CSGALNACT2: variants seen among roughly 807,000 people sequenced by gnomAD.
CSGALNACT2 encodes chondroitin sulfate N-acetylgalactosaminyltransferase 2.
A neutral mutation model predicts 55.3 loss-of-function variants in CSGALNACT2; 35 were observed. The ratio of observed to expected loss-of-function variants is 0.63; its 90% CI spans 0.48 to 0.84. The LOEUF is 0.84. CSGALNACT2 is among the 40% of genes least tolerant of loss of function. CSGALNACT2 has a pLI of 0.00. For synonymous variants in CSGALNACT2, 196 were observed against 224.9 expected (o/e 0.87, Z 1.15); for missense variants, 544 against 657.5 (o/e 0.83, Z 1.89).
At chr10:43,149,134 G>A (rs575186971) in intron 1 of CSGALNACT2, among the ~76,000 whole-genome samples, 1 of 152,324 alleles carries the variant, frequency 6.6e-6, no homozygotes, top group Non-Finnish European at 1.5e-5. Flanking sequence ...CCAGGCTGCA[G>A]TGCAGTGGCG....
chr10:43,183,775 C>T lies in CSGALNACT2; in HGVS notation c.*233C>T, dbSNP rs1169311192. 42 of 534,166 alleles carry T rather than the reference C, an allele frequency of 7.9e-5. No individual in the cohort carries two copies. Among genetic ancestry groups the T allele is most frequent in the Non-Finnish European group, 1.0e-5 (3 of 298,352 alleles). 33.1% of individuals were successfully genotyped at this position (534,166 alleles called of 1,614,324 possible). On this transcript the variant is annotated 3_prime_UTR_variant, in exon 8 of 8. Transcript: ENST00000374466. ...TGGAATAATTGACAAATTGAAATCT[C>T]ATATTTGTCCCAAAAGTTGTTTTGA...
At chr10:43,162,081 G>A (rs1839162152) in intron 4 of CSGALNACT2, 1 of 499,550 alleles carries the variant, frequency 2.0e-6, no homozygotes, top group Non-Finnish European at 4.0e-6. Context: ...CAAATTTGGG[G>A]AAGAAAATCA....
chr10:43,155,305 T>C lies in CSGALNACT2; in HGVS notation c.156T>C (p.Tyr52=), dbSNP rs1838970615. Residue 52 remains tyrosine, a synonymous_variant, in exon 2 of 8, where the codon TAT becomes TAC. Transcript: ENST00000374466. The part of the protein sequence containing the change: ...ASLPGVVGEN[Y]GKEYYQALLQ... ...TTCCTGGTGTTGTTGGGGAAAATTA[T>C]GGTAAAGAGTATTATCAAGCCCTCC... 1 of 1,614,112 alleles carries C rather than the reference T, an allele frequency of 6.2e-7. No homozygotes were observed. The highest frequency in any genetic ancestry group is 1.3e-5 in the African/African-American group (1 of 75,014).
At chr10:43,175,231 C>G (rs144114339) in intron 6 of CSGALNACT2, among the ~76,000 whole-genome samples, 3 of 152,214 alleles carry the variant, frequency 2.0e-5, no homozygotes, top group Non-Finnish European at 4.4e-5. Flanking sequence ...GTAAACAGAT[C>G]AACACAACTA....
At chr10:43,167,978 A>G (rs1839302141) in intron 6 of CSGALNACT2, among the ~76,000 whole-genome samples, 1 of 102,204 alleles carries the variant, frequency 9.8e-6, no homozygotes, top group African/African-American at 4.0e-5. Context: ...TGTACAAAAA[A>G]TTTAATCATA....
rs12773930 is a variant in CSGALNACT2 at position 43,170,874 on chromosome 10, G to A, written c.1254+3776G>A. On this transcript the variant is annotated intron_variant, in intron 6 of 7. Coordinates refer to ENST00000374466, the MANE Select transcript of CSGALNACT2 (RefSeq NM_018590.5). Reference sequence around the variant, plus strand: ...ATAACTTCCCCAGGAAAGTCACAGGGAAAGCTGCAGCAAGCCCACATTGAG... The same window carrying A: ...ATAACTTCCCCAGGAAAGTCACAGGAAAAGCTGCAGCAAGCCCACATTGAG... Among the ~76,000 whole-genome samples, 78 of 152,068 alleles carry A rather than the reference G, an allele frequency of 5.1e-4. 1 individual carries two copies. The highest frequency in any genetic ancestry group is 1.8e-3 in the African/African-American group (76 of 41,410).
chr10:43,176,868 CT>C (rs1379713244), intron 7 of CSGALNACT2, among the ~76,000 whole-genome samples: 1 of 152,132 alleles, frequency 6.6e-6, no homozygotes, highest in Non-Finnish European at 1.5e-5. Flanking sequence ...TGCCCAGCCC[CT>C]AGCTTCAGTC....
chr10:43,167,105 C>T lies in CSGALNACT2; in HGVS notation c.1254+7C>T. ...ACCTGTGGAGCAGCAGCTGGTGAGA[C>T]TTTCACATTTTCAGTTATGAAAGAC... On this transcript the variant is annotated splice_region_variant and intron_variant, in intron 6 of 7. Transcript: ENST00000374466. 1.3e-6 allele frequency: 2 copies of T among 1,569,954 alleles called. No individual in the cohort carries two copies. The highest frequency in any genetic ancestry group is 1.8e-6 in the Non-Finnish European group (2 of 1,140,510).
chr10:43,176,128 A>T, intron 7 of CSGALNACT2, 96 bp downstream of exon 7: 1 of 921,036 alleles, frequency 1.1e-6, no homozygotes, highest in Non-Finnish European at 1.7e-6. Context: ...TTCCTACTAA[A>T]GTATGAGTGT....
At chr10:43,159,077 C>T (rs1161118683) in intron 3 of CSGALNACT2, 146 bp downstream of exon 3, 6 of 604,814 alleles carry the variant, frequency 9.9e-6, no homozygotes, top group Non-Finnish European at 1.7e-5. Flanking sequence ...TATATTCTCT[C>T]TTTTTTTAAA....
intron 6 of CSGALNACT2, among the ~76,000 whole-genome samples, chr10:43,172,692 C>G (rs1380325482): frequency 6.6e-6 from 1 of 152,216 alleles, no homozygotes; most frequent in Non-Finnish European, 1.5e-5. Context: ...TAGACCCTAA[C>G]AGATATGGCT....
Position 43,155,442 on chromosome 10 carries a change from A to G in CSGALNACT2, c.293A>G (p.Glu98Gly). The G allele has an allele frequency of 1.2e-6, 2 of 1,614,204 alleles. No individual in the cohort carries two copies. Among genetic ancestry groups the G allele is most frequent in the East Asian group, 2.2e-5 (1 of 44,890 alleles). The change falls in exon 2 of 8, where the codon GAA becomes GGA. Residue 98 changes from glutamate to glycine, a missense_variant. Physicochemically the swap from Glu to Gly is moderately conservative, Grantham distance 98. Around this residue, in one of 2 missense-constraint regions of CSGALNACT2, gnomAD observed 374 missense variants for 401.3 expected, o/e 0.93. Transcript: ENST00000374466. ...AGTGAGAAGATGCGGTCACTGCAAG[A>G]AAGAAGGAATGTAGGGGCTAATGGC... ...EMSEKMRSLQ[E>G]RRNVGANGIG... is the part of the protein sequence containing the mutation.
chr10:43,178,673 ATATTG>A (rs1839531056), intron 7 of CSGALNACT2, among the ~76,000 whole-genome samples: 1 of 150,810 alleles, frequency 6.6e-6, no homozygotes. Context: ...AATAGTTGTT[ATATTG>A]TATTTAAATT....
Position 43,163,045 on chromosome 10 carries a change from C to T in CSGALNACT2, c.981-821C>T, listed in dbSNP as rs182915725. The stretch of plus-strand genomic sequence containing the variant: ...TTCCCATTTTAGGGTCCTTTTCTAC[C>T]AATCTGATTTGTCTGATCCCTTTTC... On this transcript the variant is annotated intron_variant, in intron 4 of 7. Transcript: ENST00000374466. 3.1e-5 allele frequency: 31 copies of T among 985,138 alleles called. 1 individual carries two copies. In the Admixed American group the frequency reaches 1.6e-3, roughly 51 times the overall value. 61.0% of individuals were successfully genotyped at this position (985,138 alleles called of 1,614,324 possible).
intron 1 of CSGALNACT2, among the ~76,000 whole-genome samples, chr10:43,149,226 G>A (rs766218186): frequency 6.6e-6 from 1 of 152,094 alleles, no homozygotes; most frequent in Non-Finnish European, 1.5e-5. Context: ...GGGACTGCAG[G>A]TGCATGCCAC....
At chr10:43,158,653 C>T in intron 2 of CSGALNACT2, 62 bp from the exon 3 acceptor site, 1 of 957,550 alleles carries the variant, frequency 1.0e-6, no homozygotes, top group South Asian at 1.4e-5. Flanking sequence ...TAAAATCTGT[C>T]TTCCCATTGA....
Position 43,158,784 on chromosome 10 carries a change from A to G in CSGALNACT2, c.731A>G (p.Glu244Gly). The change falls in exon 3 of 8, where the codon GAA (glutamate) becomes GGA (glycine). Residue 244 changes from glutamate (E) to glycine (G), a missense_variant. Physicochemically the swap from Glu to Gly is moderately conservative, Grantham distance 98. Transcript: ENST00000374466. ...ELFFKKADLT[E>G]YRHVTLFRPF... Reference sequence around the variant, plus strand: ...TTTTTTAAGAAAGCAGACCTTACGGAATATAGACATGTGACCCTCTTCCGC... The same window carrying G: ...TTTTTTAAGAAAGCAGACCTTACGGGATATAGACATGTGACCCTCTTCCGC... 6.2e-7 allele frequency: 1 copy of G among 1,612,674 alleles called. No individual in the cohort carries two copies. The highest frequency in any genetic ancestry group is 8.5e-7 in the Non-Finnish European group (1 of 1,178,880).
intron 5 of CSGALNACT2, among the ~76,000 whole-genome samples, chr10:43,166,484 T>A (rs1053593955): frequency 6.6e-6 from 1 of 152,264 alleles, no homozygotes; most frequent in Non-Finnish European, 1.5e-5. Flanking sequence ...AGGGCTATTA[T>A]ATCAAGTAAT....
Position 43,154,985 on chromosome 10 carries a change from C to A in CSGALNACT2, c.-165C>A, listed in dbSNP as rs1337249821. 1 of 605,228 alleles carries A rather than the reference C, an allele frequency of 1.7e-6. No homozygotes were observed. Among genetic ancestry groups the A allele is most frequent in the East Asian group, 2.8e-5 (1 of 36,042 alleles). The allele number at this position is 605,228 out of a possible 1,614,324, so 37.5% of individuals were successfully genotyped here. On this transcript the variant is annotated 5_prime_UTR_variant, in exon 2 of 8. Coordinates refer to ENST00000374466, the MANE Select transcript of CSGALNACT2 (RefSeq NM_018590.5). ...ACAATACAGAAAGTATACATAATTT[C>A]CCATTTCTGCAAGTAGTCATGACTG...
Sources: allele counts gnomAD v4.1 joint callset (sites outside exome capture counted in the v4.1 genomes callset), GRCh38; gene constraint gnomAD v4.1.1; regional missense constraint gnomAD v4.1.1; transcripts MANE v1.5; gene names NCBI Gene and HGNC (gene_info 2026-07-23, HGNC 2026-07-21).